The following FAF1 variants were observed in gnomAD, a reference collection of about 807,000 sequenced individuals.
FAF1 encodes the protein Fas associated factor 1.
In FAF1, 25 loss-of-function variants were observed where a neutral mutation model predicts 92.5. That is an observed-to-expected ratio of 0.27 (90% CI 0.20 to 0.38). The LOEUF (loss-of-function observed/expected upper bound fraction) is 0.38. Among genes scored for constraint, FAF1 ranks in the 10% least tolerant of loss-of-function variants. FAF1 has a pLI of 1.00. For missense variants in FAF1, 636 were observed against 793.3 expected (o/e 0.80, Z 2.38); for synonymous variants, 234 against 273.2 (o/e 0.86, Z 1.42).
intron 4 of FAF1, among the ~76,000 whole-genome samples, chr1:50,776,624 C>T (rs1434919570): frequency 6.6e-6 from 1 of 151,288 alleles, no homozygotes; most frequent in Non-Finnish European, 1.5e-5. Flanking sequence ...ACACATGCAA[C>T]AAGATGGCAG....
chr1:50,469,390 T>A (rs1646541986), intron 18 of FAF1: 1 of 152,218 alleles, frequency 6.6e-6, no homozygotes, highest in Non-Finnish European at 1.5e-5. Flanking sequence ...AGTGGGATAA[T>A]TCTGTGAATG....
chr1:50,485,667 C>CAAAAAAAAAAAAAAAAAAAAAAA (rs999538430), intron 17 of FAF1, among the ~76,000 whole-genome samples: 4 of 13,720 alleles, frequency 2.9e-4, no homozygotes, highest in Admixed American at 1.3e-3. Flanking sequence ...GAGACTGTCT[C>CAAAAAAAAAAAAAAAAAAAAAAA]AAAAAAAAAA....
intron 15 of FAF1, among the ~76,000 whole-genome samples, chr1:50,534,391 C>T (rs1489950236): frequency 6.6e-6 from 1 of 152,130 alleles, no homozygotes; most frequent in Non-Finnish European, 1.5e-5. Flanking sequence ...AGCGATTATC[C>T]TGCCTCTCAG....
At chr1:50,661,048 C>G (rs1032509256) in intron 7 of FAF1, among the ~76,000 whole-genome samples, 17 of 150,964 alleles carry the variant, frequency 1.1e-4, no homozygotes, top group South Asian at 2.1e-4. Flanking sequence ...AATGGAGAAA[C>G]AATAGAAAAA....
intron 1 of FAF1, among the ~76,000 whole-genome samples, chr1:50,906,787 G>A (rs1169537127): frequency 3.3e-5 from 5 of 152,154 alleles, no homozygotes; most frequent in African/African-American, 7.2e-5. Flanking sequence ...GGGCTGAGAC[G>A]ATGGGGTTTT....
intron 4 of FAF1, among the ~76,000 whole-genome samples, chr1:50,766,598 G>A (rs1419436920): frequency 6.6e-6 from 1 of 151,916 alleles, no homozygotes; most frequent in African/African-American, 2.4e-5. Context: ...GATGAAGGGA[G>A]GACAAAGATG....
At chr1:50,813,242 G>GA (rs1361010498) in intron 2 of FAF1, among the ~76,000 whole-genome samples, 9 of 151,680 alleles carry the variant, frequency 5.9e-5, no homozygotes, top group African/African-American at 1.9e-4. Flanking sequence ...AAGCACAGGG[G>GA]AAAAATTGAA....
intron 1 of FAF1, among the ~76,000 whole-genome samples, chr1:50,869,905 T>C (rs1233411803): frequency 6.6e-6 from 1 of 152,232 alleles, no homozygotes; most frequent in Non-Finnish European, 1.5e-5. Context: ...ATCTGCTGAA[T>C]GTGATTGTGG....
chr1:50,763,342 A>C (rs1660435758), intron 4 of FAF1, among the ~76,000 whole-genome samples: 1 of 152,136 alleles, frequency 6.6e-6, no homozygotes, highest in African/African-American at 2.4e-5. Flanking sequence ...TGCTTTCAAG[A>C]CTTTTCTAAT....
intron 15 of FAF1, among the ~76,000 whole-genome samples, chr1:50,512,850 A>G (rs1647154815): frequency 6.6e-6 from 1 of 152,116 alleles, no homozygotes; most frequent in Non-Finnish European, 1.5e-5. Context: ...CATGATATTG[A>G]TTCTTTGTAT....
intron 4 of FAF1, among the ~76,000 whole-genome samples, chr1:50,760,784 A>G (rs1660293469): frequency 6.6e-6 from 1 of 152,204 alleles, no homozygotes; most frequent in South Asian, 2.1e-4. Flanking sequence ...AGAACTAGAA[A>G]AGCAAAAGCA....
intron 5 of FAF1, among the ~76,000 whole-genome samples, chr1:50,742,393 G>A (rs1195462477): frequency 7.1e-6 from 1 of 141,656 alleles, no homozygotes; most frequent in Non-Finnish European, 1.5e-5. Flanking sequence ...GAGGGGGGGT[G>A]TGGCGGGGGA....
intron 4 of FAF1, among the ~76,000 whole-genome samples, chr1:50,761,173 C>T (rs967676145): frequency 6.6e-6 from 1 of 152,124 alleles, no homozygotes; most frequent in Non-Finnish European, 1.5e-5. Context: ...CAATAACAGG[C>T]TCTGAAATTG....
At chr1:50,934,960 C>A (rs868763053) in intron 1 of FAF1, among the ~76,000 whole-genome samples, 1 of 152,032 alleles carries the variant, frequency 6.6e-6, no homozygotes, top group South Asian at 2.1e-4. Context: ...TTCTCTTTAT[C>A]TTTGGTTTTT....
intron 2 of FAF1, among the ~76,000 whole-genome samples, chr1:50,820,071 A>G (rs1030928304): frequency 6.6e-6 from 1 of 151,736 alleles, no homozygotes; most frequent in Non-Finnish European, 1.5e-5. Flanking sequence ...TATATGAGGT[A>G]CTTAAAGTAG....
chr1:50,637,039 ATTGAT>A (rs1654048147), intron 8 of FAF1, among the ~76,000 whole-genome samples: 2 of 152,082 alleles, frequency 1.3e-5, no homozygotes, highest in Non-Finnish European at 2.9e-5. Context: ...TATTTTACCT[ATTGAT>A]TTATGTCTGT....
intron 1 of FAF1, among the ~76,000 whole-genome samples, chr1:50,955,248 C>T (rs1308651638): frequency 1.3e-5 from 2 of 152,170 alleles, no homozygotes; most frequent in Non-Finnish European, 2.9e-5. Flanking sequence ...AGACTTGAAA[C>T]TTTCACCTGA....
chr1:50,820,198 A>C (rs574385954), intron 2 of FAF1, among the ~76,000 whole-genome samples: 1 of 152,224 alleles, frequency 6.6e-6, no homozygotes, highest in South Asian at 2.1e-4. Context: ...AAGATGAAAA[A>C]GTTCTGGAGA....
At chr1:50,845,326 C>A (rs1644289373) in intron 2 of FAF1, among the ~76,000 whole-genome samples, 1 of 152,180 alleles carries the variant, frequency 6.6e-6, no homozygotes, top group East Asian at 1.9e-4. Flanking sequence ...CTCTCTGCAA[C>A]CTTGCAGTCT....
Sources: allele counts gnomAD v4.1 joint callset (sites outside exome capture counted in the v4.1 genomes callset), GRCh38; gene constraint gnomAD v4.1.1; transcripts MANE v1.5; gene names NCBI Gene and HGNC (gene_info 2026-07-23, HGNC 2026-07-21).